SLC6A11: variants seen among roughly 807,000 people sequenced by gnomAD.
SLC6A11 encodes the protein sodium- and chloride-dependent GABA transporter 3.
In SLC6A11, 25 loss-of-function variants were observed where a neutral mutation model predicts 74.8. That is an observed-to-expected ratio of 0.33 (90% CI 0.24 to 0.47). SLC6A11 has a LOEUF of 0.47. Among genes scored for constraint, SLC6A11 ranks in the 20% least tolerant of loss-of-function variants. The pLI is 1.00. For synonymous variants in SLC6A11, 330 were observed against 330.2 expected (o/e 1.00, Z 0.01); for missense variants, 574 against 837.0 (o/e 0.69, Z 3.88).
At chr3:10,912,257 G>C in intron 7 of SLC6A11, 64 bp downstream of exon 7, 1 of 1,119,942 alleles carries the variant, frequency 8.9e-7, no homozygotes, top group South Asian at 1.2e-5. Flanking sequence ...AACCTGCCAG[G>C]CTAGTTTATG....
intron 5 of SLC6A11, among the ~76,000 whole-genome samples, chr3:10,858,684 C>G (rs1694666942): frequency 6.6e-6 from 1 of 152,246 alleles, no homozygotes; most frequent in African/African-American, 2.4e-5. Flanking sequence ...TGCTCAAGGT[C>G]ACAGAGCTGG....
intron 3 of SLC6A11, among the ~76,000 whole-genome samples, chr3:10,822,000 C>T (rs1694144370): frequency 6.6e-6 from 1 of 152,204 alleles, no homozygotes; most frequent in African/African-American, 2.4e-5. Flanking sequence ...ACATAGTTAG[C>T]ACTTGCCAAG....
chr3:10,900,339 C>T (rs1262407672), intron 6 of SLC6A11, among the ~76,000 whole-genome samples: 1 of 152,156 alleles, frequency 6.6e-6, no homozygotes, highest in Non-Finnish European at 1.5e-5. Context: ...ACCCTACAGA[C>T]ATTTCTTGAG....
At chr3:10,870,153 C>G (rs1057371075) in intron 5 of SLC6A11, among the ~76,000 whole-genome samples, 17 of 152,164 alleles carry the variant, frequency 1.1e-4, no homozygotes, top group Admixed American at 1.0e-3. Flanking sequence ...AGGCTGGATC[C>G]CTTCCCGGAG....
In SLC6A11 at chr3:10,934,179, C is replaced by G. The variant is rs1290279336; in HGVS notation, c.1575+13C>G. Reference sequence around the variant, plus strand: ...TGGGATCTGCGCGGTAAGGGCCCCACCAGGAGCCACCTCCAGCCATCTACC... The same window carrying G: ...TGGGATCTGCGCGGTAAGGGCCCCAGCAGGAGCCACCTCCAGCCATCTACC... On this transcript the variant is annotated intron_variant, in intron 12 of 13. Coordinates refer to ENST00000254488, the MANE Select transcript of SLC6A11 (RefSeq NM_014229.3). 8 of 1,552,788 alleles carry G rather than the reference C, an allele frequency of 5.2e-6. No individual in the cohort carries two copies. The highest frequency in any genetic ancestry group is 7.1e-6 in the Non-Finnish European group (8 of 1,124,274).
intron 7 of SLC6A11, among the ~76,000 whole-genome samples, chr3:10,916,962 A>C (rs1695464862): frequency 1.3e-5 from 2 of 152,214 alleles, no homozygotes; most frequent in Non-Finnish European, 2.9e-5. Flanking sequence ...AACAACATTA[A>C]TGTAACCTTT....
At chr3:10,924,674 G>A (rs1252075226) in intron 8 of SLC6A11, among the ~76,000 whole-genome samples, 1 of 151,684 alleles carries the variant, frequency 6.6e-6, no homozygotes, top group East Asian at 1.9e-4. Flanking sequence ...AAAAAAAAAG[G>A]ACCAAAAAAT....
intron 6 of SLC6A11, among the ~76,000 whole-genome samples, chr3:10,882,653 C>A (rs1694996210): frequency 6.6e-6 from 1 of 152,166 alleles, no homozygotes; most frequent in Non-Finnish European, 1.5e-5. Context: ...GAAGGAAGAA[C>A]AATTTCTAGT....
chr3:10,920,203 G>A (rs1695517811), intron 8 of SLC6A11, among the ~76,000 whole-genome samples: 1 of 152,100 alleles, frequency 6.6e-6, no homozygotes, highest in East Asian at 1.9e-4. Context: ...GTCCCAGAGA[G>A]GAGTAATAGG....
intron 9 of SLC6A11, among the ~76,000 whole-genome samples, chr3:10,928,560 G>A (rs1695641170): frequency 6.6e-6 from 1 of 152,164 alleles, no homozygotes; most frequent in Non-Finnish European, 1.5e-5. Context: ...TAGCACACGG[G>A]ATACAGATGC....
At chr3:10,859,656 T>C (rs1454786150) in intron 5 of SLC6A11, among the ~76,000 whole-genome samples, 1 of 152,174 alleles carries the variant, frequency 6.6e-6, no homozygotes, top group Non-Finnish European at 1.5e-5. Flanking sequence ...GATTGTGTGA[T>C]ATGTACTTTT....
intron 6 of SLC6A11, among the ~76,000 whole-genome samples, chr3:10,877,543 C>G (rs1694924600): frequency 6.6e-6 from 1 of 152,206 alleles, no homozygotes; most frequent in African/African-American, 2.4e-5. Context: ...ATTGACTGCA[C>G]AGGTACTTCC....
chr3:10,919,146 A>G (rs1178647477), intron 8 of SLC6A11, among the ~76,000 whole-genome samples: 3 of 152,110 alleles, frequency 2.0e-5, no homozygotes, highest in African/African-American at 7.2e-5. Context: ...TGACAGCCTT[A>G]AGTATAGATT....
chr3:10,931,366 T>C (rs559284745), intron 10 of SLC6A11, among the ~76,000 whole-genome samples: 2 of 152,206 alleles, frequency 1.3e-5, no homozygotes, highest in Admixed American at 1.3e-4. Context: ...TTGTAGAGTA[T>C]GATGTTCATG....
At chr3:10,841,929 G>T (rs1275955099) in intron 4 of SLC6A11, among the ~76,000 whole-genome samples, 1 of 152,190 alleles carries the variant, frequency 6.6e-6, no homozygotes, top group Non-Finnish European at 1.5e-5. Flanking sequence ...GAGTGGGCTG[G>T]TGCAGAGTAC....
chr3:10,886,892 C>A (rs748684491), intron 6 of SLC6A11, among the ~76,000 whole-genome samples: 2 of 151,704 alleles, frequency 1.3e-5, no homozygotes, highest in Non-Finnish European at 2.9e-5. Flanking sequence ...TGATGGCTGT[C>A]TGAAGTAATC....
chr3:10,821,096 G>T (rs1390894490), intron 3 of SLC6A11, among the ~76,000 whole-genome samples: 1 of 152,114 alleles, frequency 6.6e-6, no homozygotes, highest in African/African-American at 2.4e-5. Flanking sequence ...TCTCTCTTTA[G>T]GGCCCTAGTT....
In SLC6A11 at chr3:10,918,371, C is replaced by T. The variant is rs760203518; in HGVS notation, c.1038C>T (p.Phe346=). 8.1e-5 allele frequency: 130 copies of T among 1,609,106 alleles called. No individual in the cohort carries two copies. The highest frequency in any genetic ancestry group is 2.5e-4 in the Admixed American group (15 of 59,014). Residue 346 remains phenylalanine, a synonymous_variant, in exon 8 of 14, where the codon TTC becomes TTT. Coordinates refer to ENST00000254488, the MANE Select transcript of SLC6A11 (RefSeq NM_014229.3). This position sits in a 1 kb window ranked among gnomAD's most constrained non-coding sequence, Gnocchi z 4.5. ...MLCCLNSGTS[F]VAGFAIFSVL... is the part of the protein sequence containing the mutation. Reference sequence around the variant, plus strand: ...GTTGCCTGAACAGCGGCACCAGCTTCGTGGCTGGGTTTGCCATCTTCTCAG... The same window carrying T: ...GTTGCCTGAACAGCGGCACCAGCTTTGTGGCTGGGTTTGCCATCTTCTCAG...
In SLC6A11 at chr3:10,896,507, C is replaced by A. The variant is rs938947475; in HGVS notation, c.892-15583C>A. Among the ~76,000 whole-genome samples, 7 of 152,232 alleles carry A rather than the reference C, an allele frequency of 4.6e-5. No individual in the cohort carries two copies. The East Asian group carries it at 1.2e-3, about 25-fold the overall frequency. On this transcript the variant is annotated intron_variant, in intron 6 of 13. Transcript: ENST00000254488. ...ACCTCCTCAAGGTGGCCCAGCAGAG[C>A]TGGAACTCAACCAGATCTGTCTGAT...
Sources: gnomAD v4.1 joint callset for allele counts (sites outside exome capture counted in the v4.1 genomes callset) on GRCh38, gnomAD v4.1.1 for gene constraint, Gnocchi (gnomAD v3.1) non-coding constraint, MANE v1.5 for transcripts, NCBI Gene and HGNC (gene_info 2026-07-23, HGNC 2026-07-21) for gene names.